UNC93A: variants seen among roughly 807,000 people sequenced by gnomAD.
The protein encoded by UNC93A is unc-93 homolog A.
A neutral mutation model predicts 47.5 loss-of-function variants in UNC93A; 43 were observed. The ratio of observed to expected loss-of-function variants is 0.91; its 90% CI spans 0.71 to 1.17. UNC93A has a LOEUF of 1.17. Among genes scored for constraint, UNC93A ranks in the 50% most tolerant of loss-of-function variants. The pLI, the probability that UNC93A is intolerant of heterozygous loss-of-function variation, is 0.00. For synonymous variants in UNC93A, 280 were observed against 258.0 expected, an observed-to-expected ratio of 1.09 and a Z score of -0.82; for missense variants, 605 against 577.6, an observed-to-expected ratio of 1.05 and a Z score of -0.49.
chr6:167,312,559 A>C (rs528865329), intron 7 of UNC93A, among the ~76,000 whole-genome samples: 12 of 152,060 alleles, frequency 7.9e-5, no homozygotes, highest in Non-Finnish European at 1.6e-4. Flanking sequence ...ACACCACATT[A>C]TTTCTTTATT....
chr6:167,315,243 C>T lies in UNC93A; in HGVS notation c.1165C>T (p.Leu389=). The T allele has an allele frequency of 6.2e-7, 1 of 1,613,822 alleles. No homozygotes were observed. Among genetic ancestry groups the T allele is most frequent in the Non-Finnish European group, 8.5e-7 (1 of 1,179,872 alleles). ...GGAAGCTGCCTTCGCCAATTACCGC[C>T]TGTGGGAGGCCCTGGGCTTCGTCAT... ...SKEAAFANYR[L]WEALGFVIAF... Residue 389 remains leucine, a synonymous_variant, in exon 8 of 8, where the codon CTG becomes TTG. Transcript: ENST00000230256.
At chr6:167,294,196 C>T (rs1412211779) in intron 1 of UNC93A, among the ~76,000 whole-genome samples, 1 of 152,228 alleles carries the variant, frequency 6.6e-6, no homozygotes, top group Non-Finnish European at 1.5e-5. Context: ...TCCTGTCACA[C>T]TGTCCTGTTC....
intron 1 of UNC93A, among the ~76,000 whole-genome samples, chr6:167,274,167 G>A (rs1475792680): frequency 2.0e-5 from 3 of 152,172 alleles, no homozygotes; most frequent in South Asian, 2.1e-4. Context: ...GGAAAGAGCC[G>A]AGTTACACAG....
At position 167,291,384 on chromosome 6, in the gene UNC93A, A is replaced by C; in HGVS notation, c.-106A>C. Reference sequence around the variant, plus strand: ...CACCTCTAGCTCAGATGAGAGAGAGAATGGGACTTCTTGGTACTGATTGTT... The same window carrying C: ...CACCTCTAGCTCAGATGAGAGAGAGCATGGGACTTCTTGGTACTGATTGTT... On this transcript the variant is annotated 5_prime_UTR_variant, in exon 1 of 8. Transcript: ENST00000230256. The C allele has an allele frequency of 1.1e-6, 1 of 892,064 alleles. No homozygotes were observed. The highest frequency in any genetic ancestry group is 1.7e-6 in the Non-Finnish European group (1 of 574,706). The allele number at this position is 892,064 out of a possible 1,614,324, so 55.3% of individuals were successfully genotyped here.
chr6:167,277,264 C>A (rs990321468), intron 1 of UNC93A, among the ~76,000 whole-genome samples: 1 of 152,184 alleles, frequency 6.6e-6, no homozygotes, highest in Non-Finnish European at 1.5e-5. Flanking sequence ...TGCTGTGTGC[C>A]TACAAAGCTG....
chr6:167,283,775 T>A (rs1382043465), intron 1 of UNC93A, among the ~76,000 whole-genome samples: 3 of 152,090 alleles, frequency 2.0e-5, no homozygotes, highest in Non-Finnish European at 4.4e-5. Context: ...CAGAGAGAAA[T>A]TATAACTACT....
rs183998961 is a variant in UNC93A at position 167,309,031 on chromosome 6, C to T, written c.1108+1121C>T. On this transcript the variant is annotated intron_variant, in intron 7 of 7. Coordinates refer to ENST00000230256, the MANE Select transcript of UNC93A (RefSeq NM_018974.4). ...AAGCAGGAGCCAGGGAGGAAGGGGC[C>T]CCAGGCTCAGGCAGCTGCACTAGAG... 1.2e-3 allele frequency among the ~76,000 whole-genome samples: 185 copies of T among 152,168 alleles called. 1 individual carries two copies. The highest frequency in any genetic ancestry group is 4.3e-3 in the African/African-American group (177 of 41,500).
rs559932085 is a variant in UNC93A at position 167,295,457 on chromosome 6, C to G, written c.270-575C>G. On this transcript the variant is annotated intron_variant, in intron 2 of 7. Transcript: ENST00000230256. ...TCGGCCTCCCTCGTGCTCCTCGCCT[C>G]CCTCGTGCTCCTCGCCTCCCTCGTG... Among the ~76,000 whole-genome samples, 728 of 107,880 alleles carry G rather than the reference C, an allele frequency of 6.7e-3. 3 individuals are homozygous for G. The highest frequency in any genetic ancestry group is 0.014 in the African/African-American group (277 of 19,456). 70.8% of individuals were successfully genotyped at this position (107,880 alleles called of 152,430 possible).
chr6:167,285,938 T>TTCTCTCTCTCTCTCTC (rs138265267), intron 1 of UNC93A, among the ~76,000 whole-genome samples: 7 of 131,740 alleles, frequency 5.3e-5, no homozygotes, highest in African/African-American at 1.8e-4. Context: ...TTAGTTTTCT[T>TTCTCTCTCTCTCTCTC]TCTCTCTCTC....
At chr6:167,288,133 A>T (rs996016721), upstream of UNC93A, among the ~76,000 whole-genome samples, 1 of 152,182 alleles carries the variant, frequency 6.6e-6, no homozygotes, top group Non-Finnish European at 1.5e-5. Context: ...TGAGGATGGG[A>T]GTATTTCCAG....
intron 4 of UNC93A, among the ~76,000 whole-genome samples, chr6:167,302,465 C>T (rs1778270103): frequency 6.6e-6 from 1 of 152,052 alleles, no homozygotes; most frequent in African/African-American, 2.4e-5. Flanking sequence ...TGTGGTGCCC[C>T]AAACACTGTG....
upstream of UNC93A, among the ~76,000 whole-genome samples, chr6:167,287,798 C>T (rs549834914): frequency 1.3e-5 from 2 of 152,234 alleles, no homozygotes; most frequent in South Asian, 4.1e-4. Context: ...AGGACCTACA[C>T]GATCCCCCTG....
At chr6:167,294,427 C>A in intron 1 of UNC93A, 90 bp from the exon 2 acceptor site, 1 of 1,479,458 alleles carries the variant, frequency 6.8e-7, no homozygotes, top group Non-Finnish European at 9.1e-7. Flanking sequence ...GCTGTGGCGG[C>A]CTCCAGCCTG....
intron 1 of UNC93A, among the ~76,000 whole-genome samples, chr6:167,292,143 T>C (rs1783855787): frequency 6.6e-6 from 1 of 152,158 alleles, no homozygotes; most frequent in Admixed American, 6.5e-5. Context: ...CACCTAGACA[T>C]AGACCTGACA....
At chr6:167,283,998 T>C (rs1043565120) in intron 1 of UNC93A, among the ~76,000 whole-genome samples, 1 of 152,174 alleles carries the variant, frequency 6.6e-6, no homozygotes, top group African/African-American at 2.4e-5. Flanking sequence ...GGTCAGGCTT[T>C]CCCTCATTTT....
chr6:167,299,075 G>A (rs7746040), intron 4 of UNC93A, among the ~76,000 whole-genome samples: 10,062 of 147,702 alleles, frequency 0.068, 1,098 homozygotes, highest in African/African-American at 0.23. Context: ...CCAAGATCGC[G>A]CTGCTGCACT....
chr6:167,279,276 G>C (rs112997468), intron 1 of UNC93A, among the ~76,000 whole-genome samples: 1,584 of 152,286 alleles, frequency 0.01, 11 homozygotes, highest in Middle Eastern at 0.02. Context: ...GAGAAAGAGA[G>C]AGGGACATTC....
At chr6:167,299,075 G>T (rs7746040) in intron 4 of UNC93A, among the ~76,000 whole-genome samples, 1 of 147,646 alleles carries the variant, frequency 6.8e-6, no homozygotes, top group Non-Finnish European at 1.5e-5. Context: ...CCAAGATCGC[G>T]CTGCTGCACT....
chr6:167,306,064 TG>T lies in UNC93A; in HGVS notation c.976+17del. Reference sequence around the variant, plus strand: ...TGTACGTGCTGGGTAGGTATCAGCGTGGGTCCCATCCCAGCTGTCATAACGA... The same window carrying T: ...TGTACGTGCTGGGTAGGTATCAGCGTGGTCCCATCCCAGCTGTCATAACGA... On this transcript the variant is annotated intron_variant, in intron 6 of 7. Transcript: ENST00000230256. 1 of 1,613,792 alleles carries T rather than the reference TG, an allele frequency of 6.2e-7. No individual in the cohort carries two copies. The highest frequency in any genetic ancestry group is 1.3e-5 in the African/African-American group (1 of 75,044).
Sources: gnomAD v4.1 joint callset for allele counts (sites outside exome capture counted in the v4.1 genomes callset) on GRCh38, gnomAD v4.1.1 for gene constraint, MANE v1.5 for transcripts, NCBI Gene and HGNC (gene_info 2026-07-23, HGNC 2026-07-21) for gene names.